KCNK2: variants seen among roughly 807,000 people sequenced by gnomAD.
KCNK2 encodes potassium two pore domain channel subfamily K member 2.
Under a neutral mutation model 40.5 loss-of-function variants are expected in KCNK2, and 21 were observed. The observed-to-expected ratio is 0.52, with a 90% CI of 0.37 to 0.75. KCNK2 has a LOEUF of 0.75. KCNK2 is among the 30% of genes least tolerant of loss of function. KCNK2 has a pLI of 0.00. For synonymous variants in KCNK2, 191 were observed against 202.2 expected, an observed-to-expected ratio of 0.94 and a Z score of 0.47; for missense variants, 399 against 531.6, an observed-to-expected ratio of 0.75 and a Z score of 2.45.
intron 1 of KCNK2, among the ~76,000 whole-genome samples, chr1:215,044,822 TGTGTGC>T (rs1458105474): frequency 0.012 from 770 of 65,706 alleles, 5 homozygotes; most frequent in Middle Eastern, 0.059. Context: ...TGTGTGTGTG[TGTGTGC>T]GCGCGCACAC....
Position 215,158,106 on chromosome 1 carries a change from C to T in KCNK2, c.476-11093C>T, listed in dbSNP as rs185755260. Among the ~76,000 whole-genome samples, 406 of 152,220 alleles carry T rather than the reference C, an allele frequency of 2.7e-3. 1 individual carries two copies. Among genetic ancestry groups the T allele is most frequent in the Non-Finnish European group, 4.4e-3 (298 of 68,012 alleles). On this transcript the variant is annotated intron_variant, in intron 3 of 6. Transcript: ENST00000444842. Reference sequence around the variant, plus strand: ...TCAGCTTTAGAGTTCTGTATAATGGCGGCTAAAGAAATATTTGACAAGTGA... The same window carrying T: ...TCAGCTTTAGAGTTCTGTATAATGGTGGCTAAAGAAATATTTGACAAGTGA...
Position 215,083,442 on chromosome 1 carries a change from C to A in KCNK2, c.46+11C>A, listed in dbSNP as rs779416464. 4.4e-6 allele frequency: 7 copies of A among 1,594,612 alleles called. No homozygotes were observed. Among genetic ancestry groups the A allele is most frequent in the African/African-American group, 1.3e-5 (1 of 74,550 alleles). ...GCTATAGAGCAGGAGGTGAGACCCCCCCTCCGGTACCCCCACCCCTCTGGC... is the reference window on the plus strand; with the variant it reads ...GCTATAGAGCAGGAGGTGAGACCCCACCTCCGGTACCCCCACCCCTCTGGC... On this transcript the variant is annotated intron_variant, in intron 1 of 6. Transcript: ENST00000444842.
rs966366155 is a variant in KCNK2, at chr1:215,172,801, C to T, written c.823+618C>T. On this transcript the variant is annotated intron_variant, in intron 5 of 6. Coordinates refer to ENST00000444842, the MANE Select transcript of KCNK2 (RefSeq NM_001017425.3). Reference sequence around the variant, plus strand: ...CCTCCTGAGTAGCTGGGATTACAGGCGTGTGCCACTAGGCCCAGCTAATTG... The same window carrying T: ...CCTCCTGAGTAGCTGGGATTACAGGTGTGTGCCACTAGGCCCAGCTAATTG... Among the ~76,000 whole-genome samples the T allele has an allele frequency of 3.9e-5, 6 of 151,916 alleles. No homozygotes were observed. The East Asian group carries it at 5.8e-4, about 15-fold the overall frequency.
At chr1:215,189,140 T>C (rs1007960455) in intron 5 of KCNK2, among the ~76,000 whole-genome samples, 1 of 152,154 alleles carries the variant, frequency 6.6e-6, no homozygotes, top group Non-Finnish European at 1.5e-5. Flanking sequence ...ACAGAAATAA[T>C]GGCCATCTGC....
intron 1 of KCNK2, among the ~76,000 whole-genome samples, chr1:215,050,975 G>C (rs1353816605): frequency 6.6e-6 from 1 of 152,144 alleles, no homozygotes; most frequent in East Asian, 1.9e-4. Context: ...GAGGTGATTT[G>C]GGGGATGTTT....
At chr1:215,061,912 A>G (rs1381819358) in intron 1 of KCNK2, among the ~76,000 whole-genome samples, 3 of 152,192 alleles carry the variant, frequency 2.0e-5, no homozygotes, top group Non-Finnish European at 1.5e-5. Flanking sequence ...AGGAATAATT[A>G]GTGGATTTCA....
At chr1:215,224,781 A>G (rs1282876835) in intron 6 of KCNK2, among the ~76,000 whole-genome samples, 1 of 152,198 alleles carries the variant, frequency 6.6e-6, no homozygotes, top group Non-Finnish European at 1.5e-5. Flanking sequence ...TCAAAAATGT[A>G]GAGCTACAAT....
At chr1:215,123,595 G>A (rs1044539484) in intron 2 of KCNK2, among the ~76,000 whole-genome samples, 8 of 152,096 alleles carry the variant, frequency 5.3e-5, no homozygotes, top group Non-Finnish European at 1.0e-4. Flanking sequence ...TCATGTGCCT[G>A]TGACTTCCTT....
At chr1:215,058,352 T>G (rs1467071874) in intron 1 of KCNK2, among the ~76,000 whole-genome samples, 1 of 152,224 alleles carries the variant, frequency 6.6e-6, no homozygotes, top group Admixed American at 6.5e-5. Flanking sequence ...GAAGACAGAA[T>G]GCAGGACCAT....
intron 1 of KCNK2, among the ~76,000 whole-genome samples, chr1:215,044,828 C>T (rs2841626): frequency 0.23 from 8,520 of 36,660 alleles, 341 homozygotes; most frequent in East Asian, 0.31. Context: ...TGTGTGTGTG[C>T]GCGCGCACAC....
chr1:215,042,958 A>T (rs568610218), intron 1 of KCNK2, among the ~76,000 whole-genome samples: 1 of 152,262 alleles, frequency 6.6e-6, no homozygotes, highest in South Asian at 2.1e-4. Flanking sequence ...GTTATCTCTT[A>T]TGACATTGTA....
chr1:215,188,935 C>T (rs1664557792), intron 5 of KCNK2, among the ~76,000 whole-genome samples: 1 of 152,184 alleles, frequency 6.6e-6, no homozygotes, highest in Non-Finnish European at 1.5e-5. Flanking sequence ...ATATTAGATA[C>T]TGTGCTTAGC....
At chr1:215,139,519 C>T (rs917031514) in intron 3 of KCNK2, among the ~76,000 whole-genome samples, 13 of 152,046 alleles carry the variant, frequency 8.6e-5, no homozygotes, top group African/African-American at 2.9e-4. Context: ...TGTGGTGGCT[C>T]ACAGCTGTAA....
In KCNK2 at chr1:215,165,168, T is replaced by C. The variant is rs565756730; in HGVS notation, c.476-4031T>C. ...CACAGTTACTTTAGCATGAGCTTGCTTTCCATAGCTTGCACCAATTGATTT... is the reference window on the plus strand; with the variant it reads ...CACAGTTACTTTAGCATGAGCTTGCCTTCCATAGCTTGCACCAATTGATTT... On this transcript the variant is annotated intron_variant, in intron 3 of 6. Transcript: ENST00000444842. 9.2e-5 allele frequency among the ~76,000 whole-genome samples: 14 copies of C among 152,298 alleles called. No homozygotes were observed. In the East Asian group the frequency reaches 2.7e-3, roughly 29 times the overall value.
intron 6 of KCNK2, among the ~76,000 whole-genome samples, chr1:215,209,438 A>T (rs61247149): frequency 2.1e-4 from 2 of 9,710 alleles, no homozygotes; most frequent in African/African-American, 3.2e-4. Flanking sequence ...TATAATATAA[A>T]ATATATAATA....
intron 1 of KCNK2, among the ~76,000 whole-genome samples, chr1:215,059,401 T>G (rs1658290938): frequency 2.0e-5 from 3 of 150,944 alleles, no homozygotes. Flanking sequence ...AGCCAATAAG[T>G]CTGAAAGCCT....
chr1:215,141,487 A>G (rs1286323975), intron 3 of KCNK2, among the ~76,000 whole-genome samples: 1 of 152,124 alleles, frequency 6.6e-6, no homozygotes, highest in Non-Finnish European at 1.5e-5. Flanking sequence ...ATCTGTGACC[A>G]AATGTTACGC....
intron 3 of KCNK2, among the ~76,000 whole-genome samples, chr1:215,130,077 G>A (rs1661600725): frequency 6.6e-6 from 1 of 152,126 alleles, no homozygotes; most frequent in African/African-American, 2.4e-5. Flanking sequence ...CAAGATGGGG[G>A]CTAATAGCCA....
chr1:215,133,828 A>T, intron 3 of KCNK2, among the ~76,000 whole-genome samples: 1 of 152,178 alleles, frequency 6.6e-6, no homozygotes, highest in Non-Finnish European at 1.5e-5. Flanking sequence ...AATTCCATAC[A>T]GCCAACTCTT....
Sources: gnomAD v4.1 joint callset for allele counts (sites outside exome capture counted in the v4.1 genomes callset) on GRCh38, gnomAD v4.1.1 for gene constraint, MANE v1.5 for transcripts, NCBI Gene and HGNC (gene_info 2026-07-23, HGNC 2026-07-21) for gene names.